The following PPP6R2 variants were observed in gnomAD, a reference collection of about 807,000 sequenced individuals.
PPP6R2 encodes serine/threonine-protein phosphatase 6 regulatory subunit 2.
A neutral mutation model predicts 100.2 loss-of-function variants in PPP6R2; 62 were observed. That is an observed-to-expected ratio of 0.62 (90% CI 0.50 to 0.76). The LOEUF (loss-of-function observed/expected upper bound fraction) is 0.76, where lower values mean the gene tolerates loss of function less well. PPP6R2 is among the 30% of genes least tolerant of loss of function. The pLI, the probability that PPP6R2 is intolerant of heterozygous loss-of-function variation, is 0.00. For missense variants in PPP6R2, 1,142 were observed against 1,276.3 expected (o/e 0.89, Z 1.60); for synonymous variants, 525 against 514.7 (o/e 1.02, Z -0.27).
upstream of PPP6R2, among the ~76,000 whole-genome samples, chr22:50,338,321 GGTGT>G (rs574307447): frequency 9.5e-5 from 10 of 105,004 alleles, no homozygotes; most frequent in Admixed American, 1.9e-4. Flanking sequence ...TGTGGTGTGT[GGTGT>G]GTGTGTGGTA....
upstream of PPP6R2, among the ~76,000 whole-genome samples, chr22:50,339,754 GGTGTGTGGTGTGTGTGGTATGTGGTGT>G (rs2042348794): frequency 2.5e-5 from 3 of 119,150 alleles, no homozygotes; most frequent in Admixed American, 8.7e-5. Flanking sequence ...AGTATGTGGT[GGTGTGTGGTGTGTGTGGTATGTGGTGT>G]GTGTGTGGTG....
chr22:50,338,042 ATGTGTGGTGTGATGTGTGTGGTG>A, the PPP6R2 span, among the ~76,000 whole-genome samples: 63 of 78,390 alleles, frequency 8.0e-4, no homozygotes, highest in African/African-American at 2.9e-3. Context: ...GTGTTTGTGT[ATGTGTGGTGTGATGTGTGTGGTG>A]TGTGTGGTGT....
chr22:50,342,619 T>C (rs1373854769), upstream of PPP6R2, among the ~76,000 whole-genome samples: 1 of 152,222 alleles, frequency 6.6e-6, no homozygotes, highest in Non-Finnish European at 1.5e-5. Flanking sequence ...CGTTTAGAGA[T>C]CCCTTAAGTG....
At chr22:50,359,687 G>C (rs1326177381) in intron 1 of PPP6R2, among the ~76,000 whole-genome samples, 1 of 152,150 alleles carries the variant, frequency 6.6e-6, no homozygotes, top group Non-Finnish European at 1.5e-5. Context: ...AATCCCCTGT[G>C]GTATGGTGTA....
At chr22:50,341,371 T>C (rs981264379), upstream of PPP6R2, among the ~76,000 whole-genome samples, 1 of 152,004 alleles carries the variant, frequency 6.6e-6, no homozygotes, top group Non-Finnish European at 1.5e-5. Context: ...ACCTGGCTAG[T>C]TTTTTAATTT....
chr22:50,351,052 T>G (rs978889225), intron 1 of PPP6R2, among the ~76,000 whole-genome samples: 5 of 130,430 alleles, frequency 3.8e-5, no homozygotes, highest in East Asian at 2.6e-4. Flanking sequence ...TTTTTTTTTT[T>G]TTTTTGAGAC....
At chr22:50,396,611 G>A (rs9628184) in intron 3 of PPP6R2, among the ~76,000 whole-genome samples, 38,727 of 152,036 alleles carry the variant, frequency 0.25, 4,939 homozygotes, top group Middle Eastern at 0.33. Flanking sequence ...ACTCATCCAC[G>A]TCTCATAGCG....
chr22:50,411,734 C>T (rs2059770693), intron 4 of PPP6R2, among the ~76,000 whole-genome samples: 1 of 141,864 alleles, frequency 7.0e-6, no homozygotes, highest in African/African-American at 2.7e-5. Context: ...GCCTGGGCGA[C>T]AAAGGGGAGA....
intron 1 of PPP6R2, among the ~76,000 whole-genome samples, chr22:50,354,440 C>G (rs1044227555): frequency 1.3e-5 from 2 of 152,180 alleles, no homozygotes; most frequent in Non-Finnish European, 2.9e-5. Context: ...CTTTGAGCAT[C>G]ATGTAGATGC....
In PPP6R2 at chr22:50,431,305, C is replaced by T. The variant is rs765080639; in HGVS notation, c.1258C>T (p.Pro420Ser). Residue 420 changes from proline (P) to serine (S), a missense_variant, in exon 11 of 24, where the codon CCG (proline) becomes TCG (serine). Pro to Ser is a moderately conservative substitution (Grantham distance 74). This residue lies in a region of PPP6R2 where 592 missense variants were observed against 758.9 expected (regional missense o/e 0.78). Coordinates refer to ENST00000612753, the MANE Select transcript of PPP6R2 (RefSeq NM_001242898.2). This position sits in a 1 kb window ranked among gnomAD's most constrained non-coding sequence, Gnocchi z 4.8. The stretch of plus-strand genomic sequence containing the variant: ...CGGATCCGAGAGCAGGGTGGAGCCT[C>T]CGCATGAGAACGGGAACCGGAGCCT... ...ASGSESRVEP[P>S]HENGNRSLET... The T allele has an allele frequency of 6.2e-7, 1 of 1,613,436 alleles. No individual in the cohort carries two copies. The highest frequency in any genetic ancestry group is 1.1e-5 in the South Asian group (1 of 91,090).
intron 10 of PPP6R2, among the ~76,000 whole-genome samples, chr22:50,430,791 T>C (rs2062979797): frequency 6.7e-6 from 1 of 149,916 alleles, no homozygotes; most frequent in South Asian, 2.1e-4. Flanking sequence ...GGAGAATCAC[T>C]TGAACCCAGG....
chr22:50,432,178 C>T (rs1001987731), intron 11 of PPP6R2, 87 bp from the exon 12 acceptor site: 35 of 1,271,598 alleles, frequency 2.8e-5, no homozygotes, highest in Admixed American at 8.2e-5. Flanking sequence ...TGGCCGCCAG[C>T]CAGCCCTGCC....
upstream of PPP6R2, among the ~76,000 whole-genome samples, chr22:50,339,450 TGTG>T (rs1369560614): frequency 1.5e-5 from 2 of 130,696 alleles, no homozygotes; most frequent in Admixed American, 7.8e-5. Flanking sequence ...GTGTGTTGTG[TGTG>T]GTGTGTGATT....
intron 2 of PPP6R2, among the ~76,000 whole-genome samples, chr22:50,373,176 T>TA (rs1206720900): frequency 6.6e-6 from 1 of 151,928 alleles, no homozygotes; most frequent in Non-Finnish European, 1.5e-5. Flanking sequence ...AAGATACTCT[T>TA]ACGAGGCTCT....
At chr22:50,335,740 A>G in the PPP6R2 span, among the ~76,000 whole-genome samples, 2 of 140,430 alleles carry the variant, frequency 1.4e-5, no homozygotes, top group Admixed American at 7.3e-5. Flanking sequence ...CAGTGGCGCA[A>G]TCTTGGCTCA....
Position 50,394,332 on chromosome 22 carries a change from C to T in PPP6R2, c.227+197C>T, listed in dbSNP as rs565333529. On this transcript the variant is annotated intron_variant, in intron 3 of 23. Transcript: ENST00000612753. The stretch of plus-strand genomic sequence containing the variant: ...TTTGGAGATTGGGTGCAGTGGCTCA[C>T]GCCTGTAATCCCAGCACTTTGGGAG... Among the ~76,000 whole-genome samples, 455 of 152,186 alleles carry T rather than the reference C, an allele frequency of 3.0e-3. 3 individuals are homozygous for T. The highest frequency in any genetic ancestry group is 8.7e-3 in the South Asian group (42 of 4,820).
intron 1 of PPP6R2, among the ~76,000 whole-genome samples, chr22:50,367,011 G>T (rs1156569029): frequency 6.6e-6 from 1 of 151,766 alleles, no homozygotes; most frequent in African/African-American, 2.4e-5. Flanking sequence ...TGTTGCAGAT[G>T]GGAAGTAAAT....
chr22:50,422,465 C>G, intron 9 of PPP6R2, 85 bp downstream of exon 9: 6 of 1,539,982 alleles, frequency 3.9e-6, no homozygotes. Context: ...ACAGCTTGTC[C>G]CATAGGTAGC....
chr22:50,434,973 G>A lies in PPP6R2; in HGVS notation c.1408G>A (p.Gly470Ser). 1 of 1,604,064 alleles carries A rather than the reference G, an allele frequency of 6.2e-7. No individual in the cohort carries two copies. The highest frequency in any genetic ancestry group is 1.1e-5 in the South Asian group (1 of 90,748). ...GGTGCCTGTTGCTTTCAGGGCAGCG[G>A]GTGGCATGAGACGTGGGAACATGGG... ...WEANDHTQAAGGMRRGNMGHL... is the reference protein window; with the variant it reads ...WEANDHTQAASGMRRGNMGHL... The change falls in exon 13 of 24, where the codon GGT (glycine) becomes AGT (serine). Residue 470 changes from glycine to serine, a missense_variant. Physicochemically the swap from Gly to Ser is moderately conservative, Grantham distance 56. Transcript: ENST00000612753.
Sources: gnomAD v4.1 joint callset for allele counts (sites outside exome capture counted in the v4.1 genomes callset) on GRCh38, gnomAD v4.1.1 for gene constraint, gnomAD v4.1.1 regional missense constraint, Gnocchi (gnomAD v3.1) non-coding constraint, MANE v1.5 for transcripts, NCBI Gene and HGNC (gene_info 2026-07-23, HGNC 2026-07-21) for gene names.